The following ITGA7 variants were observed in gnomAD, a reference collection of about 807,000 sequenced individuals.
The protein encoded by ITGA7 is integrin alpha-7.
In ITGA7, 84 loss-of-function variants were observed where a neutral mutation model predicts 131.6. The ratio of observed to expected loss-of-function variants is 0.64; its 90% CI spans 0.54 to 0.77. The LOEUF (loss-of-function observed/expected upper bound fraction) is 0.77. ITGA7 is among the 30% of genes least tolerant of loss of function. The pLI, the probability that ITGA7 is intolerant of heterozygous loss-of-function variation, is 0.00. For synonymous variants in ITGA7, 548 were observed against 600.7 expected (o/e 0.91, Z 1.28); for missense variants, 1,399 against 1,482.9 (o/e 0.94, Z 0.93).
chr12:55,690,340 A>G (rs1871161442), intron 21 of ITGA7, among the ~76,000 whole-genome samples: 1 of 152,168 alleles, frequency 6.6e-6, no homozygotes, highest in African/African-American at 2.4e-5. Context: ...TCAAAAGAAG[A>G]CATTTATGCA....
rs1873573303 is a variant in ITGA7, at chr12:55,699,901, T to C, written c.759A>G (p.Pro253=). ...TLDPADRLPG[P]AGDLALNSYL... is the part of the protein sequence containing the mutation. ...AGCTATTGAGGGCCAAGTCTCCGGC[T>C]GGTCCTGGGAGCCGGTCAGCAGGGT... The change falls in exon 5 of 25, where the codon CCA becomes CCG. Residue 253 remains proline (P), a synonymous_variant. Coordinates refer to ENST00000257879, the MANE Select transcript of ITGA7 (RefSeq NM_002206.3). The C allele has an allele frequency of 6.8e-6, 11 of 1,612,748 alleles. No homozygotes were observed. Among genetic ancestry groups the C allele is most frequent in the Non-Finnish European group, 9.3e-6 (11 of 1,179,588 alleles).
intron 4 of ITGA7, 189 bp downstream of exon 4, chr12:55,700,710 C>A: frequency 1.3e-6 from 1 of 753,944 alleles, no homozygotes. Context: ...AACACTTGGC[C>A]GTGCGAGGGA....
chr12:55,695,262 T>C (rs191116695), intron 14 of ITGA7: 11 of 597,934 alleles, frequency 1.8e-5, no homozygotes, highest in Non-Finnish European at 3.3e-5. Flanking sequence ...TCACAGAGGT[T>C]TGAAGACTAA....
chr12:55,708,584 G>T (rs572626107), upstream of ITGA7, among the ~76,000 whole-genome samples: 10 of 150,068 alleles, frequency 6.7e-5, no homozygotes, highest in Non-Finnish European at 1.5e-4. Context: ...AGAAAGAAGG[G>T]CAAGAGATTA....
intron 21 of ITGA7, among the ~76,000 whole-genome samples, chr12:55,689,953 C>A (rs1871071923): frequency 6.6e-6 from 1 of 152,144 alleles, no homozygotes; most frequent in Non-Finnish European, 1.5e-5. Flanking sequence ...CTTCCTAACA[C>A]CTTATACAAA....
At position 55,707,463 on chromosome 12, in the gene ITGA7, G is replaced by A. The variant is rs568733321; in HGVS notation, c.206+14C>T. On this transcript the variant is annotated intron_variant, in intron 1 of 24. Coordinates refer to ENST00000257879, the MANE Select transcript of ITGA7 (RefSeq NM_002206.3). ...GCTCGGGCATGGCGACTCTGGGCGG[G>A]TGCGGTGACTCACCAGCTCTGGGGT... 6.2e-7 allele frequency: 1 copy of A among 1,605,924 alleles called. No homozygotes were observed. Among genetic ancestry groups the A allele is most frequent in the Non-Finnish European group, 8.5e-7 (1 of 1,173,324 alleles).
upstream of ITGA7, among the ~76,000 whole-genome samples, chr12:55,714,292 C>T (rs1274485063): frequency 6.6e-6 from 1 of 151,900 alleles, no homozygotes; most frequent in Non-Finnish European, 1.5e-5. Flanking sequence ...GCGGGCGGAT[C>T]ACGAGGTCAG....
At position 55,692,655 on chromosome 12, in the gene ITGA7, C is replaced by G. The variant is rs77735170; in HGVS notation, c.2844+189G>C. ...GTGGAGTGACCTGTTCTAGAGTGAG[C>G]AATTGCAGGGGCTGAGCAGGAAGGG... On this transcript the variant is annotated intron_variant, in intron 21 of 24. Transcript: ENST00000257879. 0.058 allele frequency among the ~76,000 whole-genome samples: 8,867 copies of G among 152,186 alleles called. 882 individuals carry two copies. Among genetic ancestry groups the G allele is most frequent in the African/African-American group, 0.2 (8,451 of 41,468 alleles).
chr12:55,701,102 G>A lies in ITGA7; in HGVS notation c.467C>T (p.Thr156Met), dbSNP rs375671999. 64 of 1,614,188 alleles carry A rather than the reference G, an allele frequency of 4.0e-5. No homozygotes were observed. Among genetic ancestry groups the A allele is most frequent in the South Asian group, 7.7e-5 (7 of 91,090 alleles). The change falls in exon 4 of 25, where the codon ACG becomes ATG. Residue 156 changes from threonine (T) to methionine (M), a missense_variant. Thr to Met is a moderately conservative substitution (Grantham distance 81). Coordinates refer to ENST00000257879, the MANE Select transcript of ITGA7 (RefSeq NM_002206.3). Reference sequence around the variant, plus strand: ...AAAGCAGCGACCAATCATATCCCGCGTCTCCAGGATCTGGTCCACTCGCTG... The same window carrying A: ...AAAGCAGCGACCAATCATATCCCGCATCTCCAGGATCTGGTCCACTCGCTG... The part of the protein sequence containing the change: ...ARQRVDQILE[T>M]RDMIGRCFVL...
intron 12 of ITGA7, 82 bp downstream of exon 12, chr12:55,696,817 G>C: frequency 3.9e-6 from 6 of 1,524,064 alleles, no homozygotes; most frequent in South Asian, 2.3e-5. Context: ...GAGTGTGCTC[G>C]GGAAAAAGCA....
At chr12:55,696,236 T>C in intron 13 of ITGA7, 47 bp downstream of exon 13, 3 of 1,536,862 alleles carry the variant, frequency 2.0e-6, no homozygotes, top group South Asian at 1.2e-5. Context: ...CCATGATCTT[T>C]GCCCTCCCAG....
Position 55,703,194 on chromosome 12 carries a change from G to T in ITGA7, c.207-16C>A. ...CACCAGCAGCCTGCAAGATGGGGCA[G>T]GGGCAGGGACAGGGACAGGAGTTAG... On this transcript the variant is annotated splice_polypyrimidine_tract_variant and intron_variant, in intron 1 of 24. Transcript: ENST00000257879. 2 of 1,606,592 alleles carry T rather than the reference G, an allele frequency of 1.2e-6. No individual in the cohort carries two copies. Among genetic ancestry groups the T allele is most frequent in the South Asian group, 2.2e-5 (2 of 90,982 alleles).
chr12:55,703,698 C>G lies in ITGA7; in HGVS notation c.207-520G>C, dbSNP rs1033563119. ...CAGAGGCCAGGCAAGAGGCTAGATA[C>G]GGACCCACTGCCCCCTCATCAGGGA... On this transcript the variant is annotated intron_variant, in intron 1 of 24. Coordinates refer to ENST00000257879, the MANE Select transcript of ITGA7 (RefSeq NM_002206.3). Among the ~76,000 whole-genome samples the G allele has an allele frequency of 3.3e-5, 5 of 152,084 alleles. 1 individual carries two copies. The highest frequency in any genetic ancestry group is 2.6e-4 in the Admixed American group (4 of 15,270).
rs1874358681 is a variant in ITGA7, at chr12:55,702,858, G to A, written c.414+14C>T. On this transcript the variant is annotated intron_variant, in intron 3 of 24. Transcript: ENST00000257879. Reference sequence around the variant, plus strand: ...ACCCCATCCGTGCATTCAGTCATGAGAAGCAATACTCACAACAATCTTGCC... The same window carrying A: ...ACCCCATCCGTGCATTCAGTCATGAAAAGCAATACTCACAACAATCTTGCC... 6 of 1,608,432 alleles carry A rather than the reference G, an allele frequency of 3.7e-6. No individual in the cohort carries two copies. The highest frequency in any genetic ancestry group is 5.1e-6 in the Non-Finnish European group (6 of 1,176,664).
Position 55,707,848 on chromosome 12 carries a change from C to G in ITGA7, c.-166G>C. On this transcript the variant is annotated 5_prime_UTR_variant, in exon 1 of 25. Coordinates refer to ENST00000257879, the MANE Select transcript of ITGA7 (RefSeq NM_002206.3). The stretch of plus-strand genomic sequence containing the variant: ...CTCCCGCCCGCCCGCCGCTCCGCCA[C>G]CCCGCCGCCCCAGCACCGGCTAGGA... 2 of 1,467,824 alleles carry G rather than the reference C, an allele frequency of 1.4e-6. No individual in the cohort carries two copies. The highest frequency in any genetic ancestry group is 1.8e-6 in the Non-Finnish European group (2 of 1,111,158). The allele number at this position is 1,467,824 out of a possible 1,614,324, so 90.9% of individuals were successfully genotyped here. A position where few individuals can be genotyped will look rare whatever the true frequency, so the allele number is the denominator to read the frequency against.
chr12:55,700,440 C>T, intron 4 of ITGA7: 1 of 1,566,060 alleles, frequency 6.4e-7, no homozygotes, highest in Non-Finnish European at 8.6e-7. Flanking sequence ...GCAAGGAACA[C>T]CCCTCAGGCC....
Position 55,696,959 on chromosome 12 carries a change from GC to G in ITGA7, c.1676del (p.Gly559AlafsTer5). 1 of 1,614,164 alleles carries G rather than the reference GC, an allele frequency of 6.2e-7. No homozygotes were observed. The highest frequency in any genetic ancestry group is 8.5e-7 in the Non-Finnish European group (1 of 1,180,038). Reference protein sequence around the residue: ...NLEEPKHQASGTVWLKHQHDR... With the variant: ...NLEEPKHQASXTVWLKHQHDR... ...CATGCTGGTGCTTCAGCCACACGGT[GC>G]CCGAGGCCTGGTGCTTGGGTTCTTC... On this transcript the variant is annotated frameshift_variant, in exon 12 of 25. Transcript: ENST00000257879. LOFTEE classifies it high-confidence loss of function.
rs117082867 is a variant in ITGA7 at position 55,688,788 on chromosome 12, C to T, written c.2958+56G>A. 35,231 of 1,326,250 alleles carry T rather than the reference C, an allele frequency of 0.027. 602 individuals are homozygous for T. The highest frequency in any genetic ancestry group is 0.031 in the Non-Finnish European group (28,469 of 918,584). 82.2% of individuals were successfully genotyped at this position (1,326,250 alleles called of 1,614,324 possible). A position where few individuals can be genotyped will look rare whatever the true frequency, so the allele number is the denominator to read the frequency against. ...GAGGAAGGAGGAGGAGAAATGAGTC[C>T]TGGAGGGGCTTTGGAGGAAGAAGAA... On this transcript the variant is annotated intron_variant, in intron 22 of 24. Transcript: ENST00000257879.
At chr12:55,691,385 A>G (rs1871383052) in intron 21 of ITGA7, among the ~76,000 whole-genome samples, 1 of 152,044 alleles carries the variant, frequency 6.6e-6, no homozygotes, top group Non-Finnish European at 1.5e-5. Flanking sequence ...CAGAAGGAAG[A>G]GATATCTATT....
Sources: allele counts gnomAD v4.1 joint callset (sites outside exome capture counted in the v4.1 genomes callset), GRCh38; gene constraint gnomAD v4.1.1; transcripts MANE v1.5; gene names NCBI Gene and HGNC (gene_info 2026-07-23, HGNC 2026-07-21).